The following TJP2 variants were observed in gnomAD, a reference collection of about 807,000 sequenced individuals.
The protein encoded by TJP2 is tight junction protein 2, also known as Friedreich ataxia region gene X104 (tight junction protein ZO-2).
A neutral mutation model predicts 133.1 loss-of-function variants in TJP2; 91 were observed. The observed-to-expected ratio is 0.68, with a 90% confidence interval of 0.58 to 0.81. The LOEUF is 0.81. Ranked by LOEUF, TJP2 falls within the 40% of genes least tolerant of loss-of-function variation. TJP2 has a pLI of 0.00. For synonymous variants in TJP2, 592 were observed against 583.4 expected, an observed-to-expected ratio of 1.01 and a Z score of -0.21; for missense variants, 1,541 against 1,565.6, an observed-to-expected ratio of 0.98 and a Z score of 0.26.
chr9:69,164,184 A>G (rs948424896), intron 2 of TJP2, among the ~76,000 whole-genome samples: 1 of 152,066 alleles, frequency 6.6e-6, no homozygotes, highest in Non-Finnish European at 1.5e-5. Flanking sequence ...CTGGAAAGCT[A>G]TTTGCTTGCA....
intron 1 of TJP2, among the ~76,000 whole-genome samples, chr9:69,122,822 T>C (rs961271277): frequency 6.6e-6 from 1 of 152,224 alleles, no homozygotes; most frequent in Non-Finnish European, 1.5e-5. Flanking sequence ...TCCAGGTTTC[T>C]GAACGCATTT....
rs749883562 is a variant in TJP2, at chr9:69,236,126, A to G, written c.1879A>G (p.Arg627Gly). Residue 627 changes from arginine to glycine, a missense_variant, in exon 13 of 23, where the codon AGA becomes GGA. By Grantham distance (125) the Arg-to-Gly change is moderately radical. Coordinates refer to ENST00000377245, the MANE Select transcript of TJP2 (RefSeq NM_004817.4). ...KETPQSLAFTRGEVFRVVDTL... is the reference protein window; with the variant it reads ...KETPQSLAFTGGEVFRVVDTL... The stretch of plus-strand genomic sequence containing the variant: ...AACTCCACAGAGCCTGGCCTTCACC[A>G]GAGGGGAGGTCTTCCGAGTGGTAGA... 1 of 1,614,224 alleles carries G rather than the reference A, an allele frequency of 6.2e-7. No individual in the cohort carries two copies. Among genetic ancestry groups the G allele is most frequent in the South Asian group, 1.1e-5 (1 of 91,082 alleles).
chr9:69,191,321 G>A (rs1255783804), intron 1 of TJP2, among the ~76,000 whole-genome samples: 1 of 152,168 alleles, frequency 6.6e-6, no homozygotes, highest in Admixed American at 6.5e-5. Context: ...TGTTTCTGAT[G>A]TTTCAGATGT....
intron 1 of TJP2, among the ~76,000 whole-genome samples, chr9:69,201,804 C>T (rs1364256112): frequency 2.0e-5 from 3 of 152,040 alleles, no homozygotes; most frequent in East Asian, 1.9e-4. Flanking sequence ...TGACATACGC[C>T]GCCACCACGT....
At chr9:69,229,635 G>A (rs1829621246) in intron 10 of TJP2, among the ~76,000 whole-genome samples, 1 of 152,190 alleles carries the variant, frequency 6.6e-6, no homozygotes, top group South Asian at 2.1e-4. Context: ...GGGGAGGGAG[G>A]AGGAGTGCTG....
chr9:69,237,178 T>A, intron 14 of TJP2, 42 bp downstream of exon 14: 1 of 1,609,112 alleles, frequency 6.2e-7, no homozygotes, highest in Non-Finnish European at 8.5e-7. Context: ...CTGACTGGGC[T>A]CTGAGCCTGT....
At chr9:69,225,839 G>A (rs1829305328) in intron 6 of TJP2, among the ~76,000 whole-genome samples, 183 bp from the exon 7 acceptor site, 1 of 152,132 alleles carries the variant, frequency 6.6e-6, no homozygotes, top group South Asian at 2.1e-4. Flanking sequence ...ACCTGTATTT[G>A]GGATCCAGGC....
Position 69,236,031 on chromosome 9 carries a change from A to G in TJP2, c.1784A>G (p.Tyr595Cys), listed in dbSNP as rs753553368. The change falls in exon 13 of 23, where the codon TAT becomes TGT. Residue 595 changes from tyrosine to cysteine, a missense_variant. Coordinates refer to ENST00000377245, the MANE Select transcript of TJP2 (RefSeq NM_004817.4). The part of the protein sequence containing the change: ...TILAQSRADV[Y>C]RDILACGRGD... ...AAACGATGCTTTTGTCTTTCAGTGT[A>G]TAGAGACATCCTGGCTTGTGGCAGA... 4 of 1,614,008 alleles carry G rather than the reference A, an allele frequency of 2.5e-6. No individual in the cohort carries two copies. The Admixed American group carries it at 5.0e-5, about 20-fold the overall frequency.
chr9:69,231,159 G>T (rs1829749890), intron 11 of TJP2, among the ~76,000 whole-genome samples: 1 of 152,064 alleles, frequency 6.6e-6, no homozygotes, highest in Admixed American at 6.6e-5. Flanking sequence ...ACCCAGGCTG[G>T]AGTGCAGTGG....
chr9:69,234,662 T>G lies in TJP2; in HGVS notation c.1780+115T>G, dbSNP rs1830051499. 5 of 721,958 alleles carry G rather than the reference T, an allele frequency of 6.9e-6. 1 individual carries two copies. Among genetic ancestry groups the G allele is most frequent in the Non-Finnish European group, 1.2e-5 (5 of 421,886 alleles). The allele number at this position is 721,958 out of a possible 1,614,324, so 44.7% of individuals were successfully genotyped here. On this transcript the variant is annotated intron_variant, in intron 12 of 22. Coordinates refer to ENST00000377245, the MANE Select transcript of TJP2 (RefSeq NM_004817.4). The stretch of plus-strand genomic sequence containing the variant: ...CTGGGTATTAAAAAATTGAGATGGA[T>G]CTCAACACCTAGTCCTTGGGCCCTA...
chr9:69,230,865 T>C (rs1055178299), intron 11 of TJP2, among the ~76,000 whole-genome samples: 2 of 152,216 alleles, frequency 1.3e-5, no homozygotes, highest in African/African-American at 4.8e-5. Context: ...AGATAACAAA[T>C]AGCTGCTACT....
chr9:69,247,890 G>A, intron 18 of TJP2, 122 bp from the exon 19 acceptor site: 1 of 934,382 alleles, frequency 1.1e-6, no homozygotes. Context: ...AATAAAAGAT[G>A]CCTTCCCTGG....
chr9:69,249,519 G>C, intron 20 of TJP2, 34 bp downstream of exon 20: 1 of 1,573,678 alleles, frequency 6.4e-7, no homozygotes, highest in South Asian at 1.2e-5. Context: ...TGGGAAGGAA[G>C]AGGAAGCAGA....
intron 4 of TJP2, among the ~76,000 whole-genome samples, chr9:69,219,304 T>C (rs150868510): frequency 1.4e-4 from 22 of 152,152 alleles, no homozygotes; most frequent in Admixed American, 1.4e-3. Context: ...AACTTTATAT[T>C]ATGAAGATTT....
intron 1 of TJP2, among the ~76,000 whole-genome samples, chr9:69,179,110 C>T (rs897620296): frequency 1.3e-5 from 2 of 151,994 alleles, no homozygotes; most frequent in East Asian, 1.9e-4. Context: ...TCATGGCAGG[C>T]GAATGAATCA....
chr9:69,161,959 G>C (rs1055279681), intron 2 of TJP2, among the ~76,000 whole-genome samples: 1 of 150,216 alleles, frequency 6.7e-6, no homozygotes, highest in African/African-American at 2.4e-5. Context: ...AGGCAGAATT[G>C]CTTGAACTCA....
intron 1 of TJP2, among the ~76,000 whole-genome samples, chr9:69,179,421 A>G (rs1224563847): frequency 6.6e-6 from 1 of 152,018 alleles, no homozygotes; most frequent in Non-Finnish European, 1.5e-5. Flanking sequence ...ATCAGTGGTT[A>G]TGGTTTCTAT....
intron 11 of TJP2, among the ~76,000 whole-genome samples, chr9:69,232,403 C>T (rs60493557): frequency 0.015 from 2,320 of 152,286 alleles, 65 homozygotes; most frequent in African/African-American, 0.051. Flanking sequence ...ACCCTGTAGA[C>T]TACTAAATAG....
chr9:69,248,278 A>G (rs1168758006), intron 19 of TJP2, 54 bp downstream of exon 19: 1 of 1,534,682 alleles, frequency 6.5e-7, no homozygotes, highest in Non-Finnish European at 8.8e-7. Flanking sequence ...TTTTCCTTGC[A>G]CTCTCGTGGA....
Sources: allele counts gnomAD v4.1 joint callset (sites outside exome capture counted in the v4.1 genomes callset), GRCh38; gene constraint gnomAD v4.1.1; transcripts MANE v1.5; gene names NCBI Gene and HGNC (gene_info 2026-07-23, HGNC 2026-07-21).